The following LCN12 variants were observed in gnomAD, a reference collection of about 807,000 sequenced individuals.
LCN12 encodes the protein lipocalin 12, also known as epididymal-specific lipocalin-12.
LCN12 carries 15 observed loss-of-function variants against 23.7 expected under a neutral mutation model. The observed-to-expected ratio is 0.63, with a 90% CI of 0.42 to 0.97. LCN12 has a LOEUF of 0.97. Ranked by LOEUF, LCN12 falls within the 50% of genes least tolerant of loss-of-function variation. LCN12 has a pLI of 0.00. For synonymous variants in LCN12, 116 were observed against 111.5 expected (o/e 1.04, Z -0.25); for missense variants, 219 against 249.6 (o/e 0.88, Z 0.83).
Position 136,955,438 on chromosome 9 carries a change from C to A in LCN12, c.*39C>A. The stretch of plus-strand genomic sequence containing the variant: ...TCCTGTCCGGCCCAGCCCTGCCTCA[C>A]AGCTGTGCGAGCTCTGCCCTCCTCA... On this transcript the variant is annotated 3_prime_UTR_variant, in exon 6 of 6. Coordinates refer to ENST00000371633, the MANE Select transcript of LCN12 (RefSeq NM_178536.4). 6.3e-7 allele frequency: 1 copy of A among 1,594,750 alleles called. No homozygotes were observed. The highest frequency in any genetic ancestry group is 8.6e-7 in the Non-Finnish European group (1 of 1,163,398).
At chr9:136,953,612 T>TA (rs1272597666) in intron 2 of LCN12, 88 bp from the exon 3 acceptor site, 1 of 962,862 alleles carries the variant, frequency 1.0e-6, no homozygotes, top group East Asian at 2.7e-5. Context: ...TCCCTCTGAA[T>TA]AAGTGGCTGA....
intron 5 of LCN12, chr9:136,954,977 C>T: frequency 7.6e-7 from 1 of 1,314,090 alleles, no homozygotes; most frequent in Non-Finnish European, 9.8e-7. Context: ...CATGCGAACA[C>T]CCACTTACAC....
chr9:136,950,058 C>A (rs554794081), upstream of LCN12, among the ~76,000 whole-genome samples: 1 of 152,286 alleles, frequency 6.6e-6, no homozygotes, highest in South Asian at 2.1e-4. Context: ...TGCCTCAAGG[C>A]CCGCGTCCTG....
upstream of LCN12, among the ~76,000 whole-genome samples, chr9:136,951,938 G>C (rs934784902): frequency 9.9e-5 from 15 of 152,262 alleles, no homozygotes; most frequent in Admixed American, 8.5e-4. Context: ...CACGCTGTCT[G>C]CCTGGGACGC....
rs759253562 is a variant in LCN12 at position 136,954,214 on chromosome 9, A to G, written c.509A>G (p.Gln170Arg). 3.2e-6 allele frequency: 5 copies of G among 1,578,020 alleles called. No homozygotes were observed. Among genetic ancestry groups the G allele is most frequent in the Non-Finnish European group, 4.3e-6 (5 of 1,161,396 alleles). Residue 170 changes from glutamine to arginine, a missense_variant, in exon 5 of 6, where the codon CAG becomes CGG. Gln to Arg is a conservative substitution (Grantham distance 43). Transcript: ENST00000371633. ...LDQFICLGRA[Q>R]GLSDDNIVFP... is the part of the protein sequence containing the mutation. The stretch of plus-strand genomic sequence containing the variant: ...CAGTTCATCTGCCTGGGCAGAGCTC[A>G]GGGCCTCTCGGATGACAACATCGTC...
intron 2 of LCN12, among the ~76,000 whole-genome samples, chr9:136,953,262 T>C (rs1004766343): frequency 1.3e-5 from 2 of 151,736 alleles, no homozygotes; most frequent in Non-Finnish European, 2.9e-5. Context: ...GGCTCACACC[T>C]GTAATCCCAG....
In LCN12 at chr9:136,952,597, G is replaced by A. The variant is rs117473933; in HGVS notation, c.114+156G>A. 7 of 643,224 alleles carry A rather than the reference G, an allele frequency of 1.1e-5. No homozygotes were observed. The East Asian group carries it at 1.4e-4, about 13-fold the overall frequency. 39.8% of individuals were successfully genotyped at this position (643,224 alleles called of 1,614,324 possible). ...GGCCCCTGACCTCCAGCAGAGGAGG[G>A]CCCAGCGCAGACCTTCCTGGCACCC... On this transcript the variant is annotated intron_variant, in intron 1 of 5. Coordinates refer to ENST00000371633, the MANE Select transcript of LCN12 (RefSeq NM_178536.4).
intron 4 of LCN12, 21 bp from the exon 5 acceptor site, chr9:136,954,133 G>A: frequency 6.5e-7 from 1 of 1,537,320 alleles, no homozygotes; most frequent in Non-Finnish European, 8.8e-7. Context: ...ACAGACCCAT[G>A]CTGGGCTCCC....
At chr9:136,951,401 G>C (rs1345145789), upstream of LCN12, 1 of 152,330 alleles carries the variant, frequency 6.6e-6, no homozygotes, top group Non-Finnish European at 1.5e-5. Context: ...CCACAGGTGT[G>C]CACCACCACC....
At chr9:136,951,940 C>T (rs1851161675), upstream of LCN12, among the ~76,000 whole-genome samples, 1 of 152,250 alleles carries the variant, frequency 6.6e-6, no homozygotes, top group Non-Finnish European at 1.5e-5. Flanking sequence ...CGCTGTCTGC[C>T]TGGGACGCAA....
upstream of LCN12, among the ~76,000 whole-genome samples, chr9:136,950,210 G>A (rs1386012128): frequency 2.0e-5 from 3 of 152,228 alleles, no homozygotes; most frequent in African/African-American, 7.2e-5. Flanking sequence ...GCGGTGGGGG[G>A]AGGAGGCGCG....
At chr9:136,955,602 G>A, downstream of LCN12, 1 of 541,164 alleles carries the variant, frequency 1.8e-6, no homozygotes. Context: ...GGCACACTAT[G>A]GCCCCCCAGC....
rs556249758 is a variant in LCN12, at chr9:136,952,923, C to T, written c.146C>T (p.Ala49Val). 73 of 1,592,432 alleles carry T rather than the reference C, an allele frequency of 4.6e-5. No homozygotes were observed. The highest frequency in any genetic ancestry group is 1.7e-4 in the Middle Eastern group (1 of 5,970). The change falls in exon 2 of 6, where the codon GCG (alanine) becomes GTG (valine). Residue 49 changes from alanine (A) to valine (V), a missense_variant. Ala to Val is a moderately conservative substitution (Grantham distance 64, BLOSUM62 0). Coordinates refer to ENST00000371633, the MANE Select transcript of LCN12 (RefSeq NM_178536.4). ...GGGGAATGGTTCGTCCTGGGCCTGG[C>T]GGGCAACAGCTTCAGGCCGGAGCAC... is the stretch of plus-strand genomic sequence containing the variant. ...FQGEWFVLGLAGNSFRPEHRA... is the reference protein window; with the variant it reads ...FQGEWFVLGLVGNSFRPEHRA...
chr9:136,950,057 G>A (rs538223015), upstream of LCN12, among the ~76,000 whole-genome samples: 1 of 152,274 alleles, frequency 6.6e-6, no homozygotes, highest in Non-Finnish European at 1.5e-5. Flanking sequence ...GTGCCTCAAG[G>A]CCCGCGTCCT....
At chr9:136,955,021 C>T (rs372151378) in intron 5 of LCN12, 1 of 1,374,718 alleles carries the variant, frequency 7.3e-7, no homozygotes, top group Non-Finnish European at 9.4e-7. Context: ...ATGCTGTCTA[C>T]CCGTGCACAG....
chr9:136,955,184 ATCT>A, intron 5 of LCN12, 184 bp from the exon 6 acceptor site: 1 of 1,417,076 alleles, frequency 7.1e-7, no homozygotes, highest in Non-Finnish European at 9.2e-7. Flanking sequence ...TGTGGGCCAC[ATCT>A]TCTGCCCCTT....
In LCN12 at chr9:136,952,275, C is replaced by G. The variant is rs751311238; in HGVS notation, c.-53C>G. On this transcript the variant is annotated 5_prime_UTR_variant, in exon 1 of 6. Coordinates refer to ENST00000371633, the MANE Select transcript of LCN12 (RefSeq NM_178536.4). ...ATGAAGAGGTGGGTCTCTGGGTCAC[C>G]TGCCCATGGCCACTTCCTTCTCTCT... 5 of 1,342,830 alleles carry G rather than the reference C, an allele frequency of 3.7e-6. No individual in the cohort carries two copies. Among genetic ancestry groups the G allele is most frequent in the Non-Finnish European group, 5.3e-6 (5 of 951,052 alleles). The allele number at this position is 1,342,830 out of a possible 1,614,324, so 83.2% of individuals were successfully genotyped here.
chr9:136,954,131 A>G, intron 4 of LCN12, 23 bp from the exon 5 acceptor site: 1 of 1,536,438 alleles, frequency 6.5e-7, no homozygotes, highest in Non-Finnish European at 8.8e-7. Context: ...GCACAGACCC[A>G]TGCTGGGCTC....
downstream of LCN12, among the ~76,000 whole-genome samples, chr9:136,955,797 C>T (rs1163582544): frequency 3.9e-5 from 6 of 152,234 alleles, no homozygotes; most frequent in African/African-American, 1.4e-4. Context: ...CCACCCTGGT[C>T]AGCACTCGGG....
Sources: gnomAD v4.1 joint callset for allele counts (sites outside exome capture counted in the v4.1 genomes callset) on GRCh38, gnomAD v4.1.1 for gene constraint, MANE v1.5 for transcripts, NCBI Gene and HGNC (gene_info 2026-07-23, HGNC 2026-07-21) for gene names.